TMEM45A: variants seen among roughly 807,000 people sequenced by gnomAD.
TMEM45A encodes transmembrane protein 45A, also known as DNA polymerase-transactivated protein 4.
A neutral mutation model predicts 32.0 loss-of-function variants in TMEM45A; 25 were observed. The ratio of observed to expected loss-of-function variants is 0.78; its 90% CI spans 0.57 to 1.09. The LOEUF is 1.09. TMEM45A is among the 50% of genes least tolerant of loss of function. TMEM45A has a pLI of 0.00. For missense variants in TMEM45A, 302 were observed against 325.0 expected (o/e 0.93, Z 0.54); for synonymous variants, 122 against 114.8 (o/e 1.06, Z -0.40).
chr3:100,495,960 T>C (rs1707920035), intron 1 of TMEM45A, among the ~76,000 whole-genome samples: 1 of 152,220 alleles, frequency 6.6e-6, no homozygotes, highest in South Asian at 2.1e-4. Flanking sequence ...TTTTAACACA[T>C]ATAACTTCAT....
intron 1 of TMEM45A, among the ~76,000 whole-genome samples, chr3:100,509,977 G>C (rs968461996): frequency 9.8e-5 from 15 of 152,354 alleles, no homozygotes; most frequent in African/African-American, 3.4e-4. Context: ...TACGCCCACG[G>C]AGTCTTGCTG....
intron 1 of TMEM45A, among the ~76,000 whole-genome samples, chr3:100,497,471 A>G (rs1384239233): frequency 6.6e-6 from 1 of 152,166 alleles, no homozygotes; most frequent in Non-Finnish European, 1.5e-5. Flanking sequence ...GTACATTCAC[A>G]TTGTGTGTAA....
rs1197209839 is a variant in TMEM45A at position 100,512,779 on chromosome 3, A to G, written c.-4+19851A>G. Among the ~76,000 whole-genome samples, 13 of 151,134 alleles carry G rather than the reference A, an allele frequency of 8.6e-5. No homozygotes were observed. In the East Asian group the frequency reaches 1.4e-3, roughly 16 times the overall value. Reference sequence around the variant, plus strand: ...AAGAATCAAATAGATGCAATAAAAAATGATAAAGGGGATATCACCACTGAT... The same window carrying G: ...AAGAATCAAATAGATGCAATAAAAAGTGATAAAGGGGATATCACCACTGAT... On this transcript the variant is annotated intron_variant, in intron 1 of 5. Transcript: ENST00000323523.
chr3:100,514,514 A>AT (rs1708227116), intron 1 of TMEM45A, among the ~76,000 whole-genome samples: 1 of 151,994 alleles, frequency 6.6e-6, no homozygotes, highest in African/African-American at 2.4e-5. Context: ...ACCTAAAACC[A>AT]TAAAAACCCT....
intron 5 of TMEM45A, among the ~76,000 whole-genome samples, chr3:100,575,610 G>A (rs748002110): frequency 5.9e-5 from 9 of 152,124 alleles, no homozygotes; most frequent in African/African-American, 9.7e-5. Context: ...GACCACAGGC[G>A]ATCTGCCCGC....
intron 5 of TMEM45A, among the ~76,000 whole-genome samples, chr3:100,575,095 A>G (rs766842479): frequency 9.9e-5 from 15 of 152,130 alleles, no homozygotes; most frequent in Admixed American, 5.2e-4. Flanking sequence ...GAAATTTTTC[A>G]TTTGTGAAGA....
At chr3:100,554,384 A>C (rs932476528) in intron 1 of TMEM45A, among the ~76,000 whole-genome samples, 1 of 152,234 alleles carries the variant, frequency 6.6e-6, no homozygotes, top group Non-Finnish European at 1.5e-5. Flanking sequence ...CAAAATCTGA[A>C]GCAGGCTGGT....
intron 5 of TMEM45A, 68 bp downstream of exon 5, chr3:100,569,035 T>C: frequency 2.0e-6 from 3 of 1,493,046 alleles, no homozygotes; most frequent in Admixed American, 1.8e-5. Context: ...CTCAGTGGTA[T>C]TGAATTTAAA....
At chr3:100,564,474 G>GT (rs372982304) in intron 4 of TMEM45A, among the ~76,000 whole-genome samples, 33,429 of 142,716 alleles carry the variant, frequency 0.23, 4,322 homozygotes, top group Non-Finnish European at 0.32. Context: ...TATTATTATT[G>GT]TTTTTTTTTT....
chr3:100,496,235 A>G (rs1345793217), intron 1 of TMEM45A, among the ~76,000 whole-genome samples: 1 of 152,224 alleles, frequency 6.6e-6, no homozygotes. Flanking sequence ...GGAACAGTCC[A>G]TTATTCACAG....
At chr3:100,536,369 C>T (rs1318188999) in intron 1 of TMEM45A, among the ~76,000 whole-genome samples, 1 of 152,206 alleles carries the variant, frequency 6.6e-6, no homozygotes, top group Non-Finnish European at 1.5e-5. Flanking sequence ...GGTGTAGCCA[C>T]TGCTGGTGTG....
At chr3:100,532,419 C>T (rs918812667) in intron 1 of TMEM45A, among the ~76,000 whole-genome samples, 7 of 152,170 alleles carry the variant, frequency 4.6e-5, no homozygotes, top group South Asian at 4.1e-4. Context: ...CAGGCTTTTC[C>T]GGCTTTAATG....
At chr3:100,536,652 TAAAA>T (rs1447785710) in intron 1 of TMEM45A, among the ~76,000 whole-genome samples, 1 of 152,122 alleles carries the variant, frequency 6.6e-6, no homozygotes, top group African/African-American at 2.4e-5. Flanking sequence ...CACTTATTCT[TAAAA>T]AAACTGAATT....
chr3:100,523,514 T>C (rs6441308), intron 1 of TMEM45A, among the ~76,000 whole-genome samples: 53,431 of 152,114 alleles, frequency 0.35, 11,131 homozygotes, highest in African/African-American at 0.55. Context: ...AATTATGATA[T>C]GCATGAGAAA....
At chr3:100,527,997 T>C (rs536583114) in intron 1 of TMEM45A, among the ~76,000 whole-genome samples, 3 of 152,212 alleles carry the variant, frequency 2.0e-5, no homozygotes, top group Non-Finnish European at 4.4e-5. Flanking sequence ...CCACATAAAA[T>C]GCAGAATGCT....
intron 2 of TMEM45A, 42 bp downstream of exon 2, chr3:100,555,443 T>C: frequency 1.3e-6 from 2 of 1,521,194 alleles, no homozygotes; most frequent in Non-Finnish European, 1.8e-6. Flanking sequence ...CTTTTAGGTG[T>C]TTTCATTCTT....
rs116569989 is a variant in TMEM45A at position 100,525,183 on chromosome 3, G to A, written c.-3-30026G>A. ...AACCTGGGCAACAAAGCAAGACCTTGTCTCTGAAAAAAAAAGAAAAAGAGA... is the reference window on the plus strand; with the variant it reads ...AACCTGGGCAACAAAGCAAGACCTTATCTCTGAAAAAAAAAGAAAAAGAGA... On this transcript the variant is annotated intron_variant, in intron 1 of 5. Coordinates refer to ENST00000323523, the MANE Select transcript of TMEM45A (RefSeq NM_018004.3). Among the ~76,000 whole-genome samples, 1,264 of 151,408 alleles carry A rather than the reference G, an allele frequency of 8.3e-3. 21 individuals carry two copies. The highest frequency in any genetic ancestry group is 0.03 in the African/African-American group (1,218 of 41,250).
intron 4 of TMEM45A, among the ~76,000 whole-genome samples, chr3:100,559,539 A>T (rs1355531435): frequency 6.6e-6 from 1 of 152,216 alleles, no homozygotes; most frequent in African/African-American, 2.4e-5. Flanking sequence ...TTTAATGGAA[A>T]AACTTCATAG....
intron 1 of TMEM45A, chr3:100,519,741 G>A: frequency 1.1e-6 from 1 of 933,062 alleles, no homozygotes; most frequent in Non-Finnish European, 1.6e-6. Context: ...CTTATTGTGG[G>A]TTGTGGCTGA....
Sources: gnomAD v4.1 joint callset for allele counts (sites outside exome capture counted in the v4.1 genomes callset) on GRCh38, gnomAD v4.1.1 for gene constraint, MANE v1.5 for transcripts, NCBI Gene and HGNC (gene_info 2026-07-23, HGNC 2026-07-21) for gene names.